PHF21A: variants seen among roughly 807,000 people sequenced by gnomAD.
The protein encoded by PHF21A is BHC80a.
Under a neutral mutation model 82.5 loss-of-function variants are expected in PHF21A, and 11 were observed. The ratio of observed to expected loss-of-function variants is 0.13; its 90% CI spans 0.08 to 0.22. The LOEUF (loss-of-function observed/expected upper bound fraction) is 0.22. Among genes scored for constraint, PHF21A ranks in the 10% least tolerant of loss-of-function variants. The pLI is 1.00. For synonymous variants in PHF21A, 297 were observed against 302.8 expected (o/e 0.98, Z 0.20); for missense variants, 579 against 837.8 (o/e 0.69, Z 3.81).
chr11:46,044,170 A>G (rs1369937250), intron 6 of PHF21A, among the ~76,000 whole-genome samples: 1 of 152,168 alleles, frequency 6.6e-6, no homozygotes, highest in African/African-American at 2.4e-5. Context: ...GCAACTATTA[A>G]CACAAGACAC....
In PHF21A at chr11:46,121,053, AGCT is replaced by A. The variant is rs1178144431; in HGVS notation, c.-358_-356del. On this transcript the variant is annotated 5_prime_UTR_variant, in exon 1 of 19. Transcript: ENST00000676320. Reference sequence around the variant, plus strand: ...CATGGGGAGGGAGGGAAGAAGCTGGAGCTGCTGCTGCTGCTTCTGCTGCTGCTC... The same window carrying A: ...CATGGGGAGGGAGGGAAGAAGCTGGAGCTGCTGCTGCTTCTGCTGCTGCTC... 8 of 155,610 alleles carry A rather than the reference AGCT, an allele frequency of 5.1e-5. No individual in the cohort carries two copies. Among genetic ancestry groups the A allele is most frequent in the Non-Finnish European group, 1.1e-4 (8 of 71,012 alleles). 9.6% of individuals were successfully genotyped at this position (155,610 alleles called of 1,614,324 possible).
chr11:46,094,870 AGC>A lies in PHF21A; in HGVS notation c.-236-2649_-236-2648del, dbSNP rs540297330. Among the ~76,000 whole-genome samples the A allele has an allele frequency of 1.4e-4, 22 of 152,316 alleles. 1 individual carries two copies. In the South Asian group the frequency reaches 3.9e-3, roughly 27 times the overall value. ...AACTGAGATCGCGCCACTACACTCC[AGC>A]CTGGCGACAGAGTGAGTCTCCGTCC... On this transcript the variant is annotated intron_variant, in intron 1 of 18. Transcript: ENST00000676320.
In PHF21A at chr11:46,103,190, G is replaced by A. The variant is rs115032202; in HGVS notation, c.-236-10967C>T. On this transcript the variant is annotated intron_variant, in intron 1 of 18. Transcript: ENST00000676320. Reference sequence around the variant, plus strand: ...TAATTCTTTAACTCAACCCCCAAACGCTTGTAGAATCTCTTTCTAACACAT... The same window carrying A: ...TAATTCTTTAACTCAACCCCCAAACACTTGTAGAATCTCTTTCTAACACAT... Among the ~76,000 whole-genome samples, 352 of 152,236 alleles carry A rather than the reference G, an allele frequency of 2.3e-3. 1 individual carries two copies. Among genetic ancestry groups the A allele is most frequent in the African/African-American group, 7.9e-3 (330 of 41,544 alleles).
At chr11:45,946,200 A>C in intron 14 of PHF21A, 197 bp from the exon 15 acceptor site, 2 of 1,199,814 alleles carry the variant, frequency 1.7e-6, no homozygotes, top group Non-Finnish European at 2.4e-6. Context: ...AAACAACTAT[A>C]TGACTCTCAA....
chr11:45,939,589 A>C (rs1433133773), intron 15 of PHF21A, among the ~76,000 whole-genome samples: 1 of 152,056 alleles, frequency 6.6e-6, no homozygotes, highest in Non-Finnish European at 1.5e-5. Context: ...CTTTATCCCT[A>C]TAAAAACTTC....
At chr11:46,106,299 C>T (rs2097151509) in intron 1 of PHF21A, among the ~76,000 whole-genome samples, 1 of 152,108 alleles carries the variant, frequency 6.6e-6, no homozygotes, top group Non-Finnish European at 1.5e-5. Context: ...AATCTATCTC[C>T]CCTGAGCACA....
At chr11:46,050,592 A>G (rs944493453) in intron 6 of PHF21A, among the ~76,000 whole-genome samples, 1 of 152,238 alleles carries the variant, frequency 6.6e-6, no homozygotes, top group Non-Finnish European at 1.5e-5. Flanking sequence ...AGGTACTTCT[A>G]TAATTTTAAT....
At chr11:46,107,620 G>T (rs1038570752) in intron 1 of PHF21A, among the ~76,000 whole-genome samples, 1 of 152,132 alleles carries the variant, frequency 6.6e-6, no homozygotes, top group Non-Finnish European at 1.5e-5. Flanking sequence ...TGTATTCTAG[G>T]ATTAGAAAGG....
chr11:45,983,505 AT>A lies in PHF21A; in HGVS notation c.154-3540del, dbSNP rs112965882. On this transcript the variant is annotated intron_variant, in intron 6 of 18. Transcript: ENST00000676320. ...CTGTTGCTATCTGTGAAAAAAAAAA[AT>A]TTTTAAATCAAGATTTTGAGGAAGC... is the stretch of plus-strand genomic sequence containing the variant. 1.6e-3 allele frequency among the ~76,000 whole-genome samples: 243 copies of A among 151,302 alleles called. 3 individuals carry two copies. The highest frequency in any genetic ancestry group is 2.5e-3 in the East Asian group (13 of 5,142).
chr11:46,017,818 C>T (rs2095546666), intron 6 of PHF21A, among the ~76,000 whole-genome samples: 1 of 152,198 alleles, frequency 6.6e-6, no homozygotes, highest in Admixed American at 6.5e-5. Context: ...GGCTATCAAA[C>T]AGCAAAGCAC....
rs192669930 is a variant in PHF21A, at chr11:46,094,961, G to C, written c.-236-2738C>G. ...GATCCCCATGAATGGGCTTCAGAGGGGTCTGTCAACTGCTTCCTACTATAT... is the reference window on the plus strand; with the variant it reads ...GATCCCCATGAATGGGCTTCAGAGGCGTCTGTCAACTGCTTCCTACTATAT... On this transcript the variant is annotated intron_variant, in intron 1 of 18. Coordinates refer to ENST00000676320, the MANE Select transcript of PHF21A (RefSeq NM_001352027.3). 6.1e-3 allele frequency among the ~76,000 whole-genome samples: 933 copies of C among 152,154 alleles called. 6 individuals are homozygous for C. The highest frequency in any genetic ancestry group is 9.9e-3 in the Non-Finnish European group (672 of 68,002).
intron 10 of PHF21A, among the ~76,000 whole-genome samples, chr11:45,958,258 C>T (rs1174688832): frequency 6.7e-6 from 1 of 150,360 alleles, no homozygotes; most frequent in Non-Finnish European, 1.5e-5. Context: ...GCCAGCACTA[C>T]TCTGATACCA....
intron 11 of PHF21A, among the ~76,000 whole-genome samples, chr11:45,951,362 C>T (rs2092086185): frequency 1.3e-5 from 2 of 152,316 alleles, no homozygotes; most frequent in South Asian, 4.1e-4. Context: ...TGAAAATAAA[C>T]TTCTTCAGCA....
intron 9 of PHF21A, among the ~76,000 whole-genome samples, chr11:45,965,828 C>A (rs187046469): frequency 1.1e-3 from 162 of 152,264 alleles, no homozygotes; most frequent in Middle Eastern, 3.4e-3. Flanking sequence ...TGATTCTAAA[C>A]CCTGAGCTCC....
intron 14 of PHF21A, 115 bp downstream of exon 14, chr11:45,948,771 A>G (rs1423636474): frequency 3.8e-6 from 3 of 784,096 alleles, no homozygotes; most frequent in Non-Finnish European, 6.9e-6. Context: ...CAACAAAACT[A>G]TTTTCAAAGG....
intron 6 of PHF21A, among the ~76,000 whole-genome samples, chr11:46,057,374 C>G (rs945749908): frequency 6.6e-6 from 1 of 152,216 alleles, no homozygotes; most frequent in East Asian, 1.9e-4. Context: ...ACTATTTTCT[C>G]AATTATCAAT....
At chr11:45,958,422 ATATATAT>A (rs2092838166) in intron 10 of PHF21A, among the ~76,000 whole-genome samples, 1 of 14,324 alleles carries the variant, frequency 7.0e-5, no homozygotes, top group Non-Finnish European at 1.5e-4. Context: ...AAAAAAAAAT[ATATATAT>A]ATATATATAT....
At chr11:46,120,423 G>C (rs1202269249) in intron 1 of PHF21A, 1 of 125,006 alleles carries the variant, frequency 8.0e-6, no homozygotes, top group Non-Finnish European at 1.7e-5. Flanking sequence ...GCCCCCCGCC[G>C]GGACAATGTG....
chr11:45,946,051 A>T lies in PHF21A; in HGVS notation c.1289-48T>A, dbSNP rs142774916. 139 of 1,614,156 alleles carry T rather than the reference A, an allele frequency of 8.6e-5. 1 individual carries two copies. The highest frequency in any genetic ancestry group is 9.9e-5 in the Non-Finnish European group (117 of 1,179,986). ...AAAAGGGAAAAACGGGGAGGGAAAGAGAGGGGGAAAATGATCTTACATACC... is the reference window on the plus strand; with the variant it reads ...AAAAGGGAAAAACGGGGAGGGAAAGTGAGGGGGAAAATGATCTTACATACC... On this transcript the variant is annotated intron_variant, in intron 14 of 18. Coordinates refer to ENST00000676320, the MANE Select transcript of PHF21A (RefSeq NM_001352027.3).
Sources: allele counts gnomAD v4.1 joint callset (sites outside exome capture counted in the v4.1 genomes callset), GRCh38; gene constraint gnomAD v4.1.1; transcripts MANE v1.5; gene names NCBI Gene and HGNC (gene_info 2026-07-23, HGNC 2026-07-21).